Variants in NFAT5 observed in about 807,000 individuals in gnomAD.
The protein encoded by NFAT5 is nuclear factor of activated T cells 5.
In NFAT5, 31 loss-of-function variants were observed where a neutral mutation model predicts 166.5. That is an observed-to-expected ratio of 0.19 (90% CI 0.14 to 0.25). The LOEUF is 0.25. Ranked by LOEUF, NFAT5 falls within the 10% of genes least tolerant of loss-of-function variation. The probability of loss-of-function intolerance (pLI) is 1.00; values close to 1 mark genes in which losing one functional copy is unlikely to be tolerated. For missense variants in NFAT5, 1,449 were observed against 1,821.8 expected (o/e 0.80, Z 3.72); for synonymous variants, 612 against 639.7 (o/e 0.96, Z 0.65).
chr16:69,620,870 C>G (rs1243914022), intron 2 of NFAT5, among the ~76,000 whole-genome samples: 1 of 152,148 alleles, frequency 6.6e-6, no homozygotes, highest in African/African-American at 2.4e-5. Flanking sequence ...CCCTTTTAAG[C>G]CTATGTCATT....
intron 3 of NFAT5, among the ~76,000 whole-genome samples, chr16:69,631,199 G>A (rs1181862511): frequency 1.3e-5 from 2 of 152,124 alleles, no homozygotes; most frequent in Admixed American, 6.5e-5. Context: ...TTGGGAGGCC[G>A]AGGTGGGTGG....
At chr16:69,606,450 C>A (rs914642928) in intron 2 of NFAT5, among the ~76,000 whole-genome samples, 1 of 151,566 alleles carries the variant, frequency 6.6e-6, no homozygotes, top group Admixed American at 6.6e-5. Context: ...TATGTAAAAT[C>A]TGATTTTTAA....
In NFAT5 at chr16:69,693,567, A is replaced by G; in HGVS notation, c.3742A>G (p.Thr1248Ala). The change falls in exon 13 of 15, where the codon ACC becomes GCC. Residue 1248 changes from threonine to alanine, a missense_variant. Thr to Ala is a moderately conservative substitution (Grantham distance 58). This residue lies in a region of NFAT5 where 891 missense variants were observed against 993.0 expected (regional missense o/e 0.90). Coordinates refer to ENST00000349945, the MANE Select transcript of NFAT5 (RefSeq NM_138713.4). ...PNPMPQSQQG[T>A]MFQSQHSIVA... The stretch of plus-strand genomic sequence containing the variant: ...TCCAATGCCTCAAAGCCAACAAGGA[A>G]CCATGTTCCAGTCACAGCACTCAAT... 6.2e-7 allele frequency: 1 copy of G among 1,614,174 alleles called. No individual in the cohort carries two copies. The highest frequency in any genetic ancestry group is 8.5e-7 in the Non-Finnish European group (1 of 1,180,032).
rs777027780 is a variant in NFAT5, at chr16:69,568,453, C to T, written c.74-42C>T. On this transcript the variant is annotated intron_variant, in intron 1 of 14. Transcript: ENST00000349945. ...ATGCTATCCTTGGCATTTTTTTCCT[C>T]ATTCAGCATAAAAAGTACCTAATGC... The T allele has an allele frequency of 9.4e-5, 148 of 1,572,232 alleles. No homozygotes were observed. In the East Asian group the frequency reaches 2.7e-3, roughly 29 times the overall value.
intron 4 of NFAT5, among the ~76,000 whole-genome samples, chr16:69,652,453 G>GAAAAAAAAAAA (rs74216983): frequency 1.6e-5 from 1 of 60,638 alleles, no homozygotes. Context: ...CTCCATCTCA[G>GAAAAAAAAAAA]AAAAAAAAAA....
intron 2 of NFAT5, among the ~76,000 whole-genome samples, chr16:69,609,819 G>GAAAAAAAAA (rs1157655325): frequency 4.0e-5 from 3 of 75,306 alleles, no homozygotes; most frequent in African/African-American, 8.8e-5. Context: ...TGTCTCTACT[G>GAAAAAAAAA]AAAAAAAAAA....
At position 69,694,123 on chromosome 16, in the gene NFAT5, C is replaced by G. The variant is rs1404150594; in HGVS notation, c.4298C>G (p.Pro1433Arg). 1.9e-6 allele frequency: 3 copies of G among 1,614,110 alleles called. No homozygotes were observed. The highest frequency in any genetic ancestry group is 3.3e-5 in the Admixed American group (2 of 60,014). The part of the protein sequence containing the change: ...MPGIQGATSS[P>R]QPQATLFHNT... The stretch of plus-strand genomic sequence containing the variant: ...GGAATTCAAGGAGCCACATCTTCGC[C>G]TCAACCACAGGCTACTTTATTTCAC... The change falls in exon 13 of 15, where the codon CCT becomes CGT. Residue 1433 changes from proline to arginine, a missense_variant. By Grantham distance (103) the Pro-to-Arg change is moderately radical. Around this residue, in one of 7 missense-constraint regions of NFAT5, gnomAD observed 891 missense variants for 993.0 expected, o/e 0.90. Coordinates refer to ENST00000349945, the MANE Select transcript of NFAT5 (RefSeq NM_138713.4).
chr16:69,601,689 C>T (rs1461319592), intron 2 of NFAT5, among the ~76,000 whole-genome samples: 4 of 152,150 alleles, frequency 2.6e-5, no homozygotes, highest in Admixed American at 6.5e-5. Context: ...GTTTAAATAA[C>T]AAAATTTAGT....
intron 3 of NFAT5, among the ~76,000 whole-genome samples, chr16:69,633,500 A>AT (rs2034809669): frequency 6.6e-6 from 1 of 152,232 alleles, no homozygotes; most frequent in South Asian, 2.1e-4. Context: ...GAATTCAGCC[A>AT]TAAAAAAGAA....
At chr16:69,673,922 T>C (rs545716548) in intron 9 of NFAT5, among the ~76,000 whole-genome samples, 2 of 152,068 alleles carry the variant, frequency 1.3e-5, no homozygotes, top group Non-Finnish European at 2.9e-5. Context: ...CCAAAATCAA[T>C]TCATCAGGTA....
At position 69,698,777 on chromosome 16, in the gene NFAT5, T is replaced by C. The variant is rs895843477; in HGVS notation, c.*2426T>C. The C allele has an allele frequency of 2.6e-5, 4 of 152,676 alleles. No homozygotes were observed. The highest frequency in any genetic ancestry group is 5.9e-5 in the Non-Finnish European group (4 of 68,042). 9.5% of individuals were successfully genotyped at this position (152,676 alleles called of 1,614,324 possible). A position where few individuals can be genotyped will look rare whatever the true frequency, so the allele number is the denominator to read the frequency against. ...TTATTGTTGTTATTGTTATTATTAATTGGCTTTCTGTATTCTATGCCTTTT... is the reference window on the plus strand; with the variant it reads ...TTATTGTTGTTATTGTTATTATTAACTGGCTTTCTGTATTCTATGCCTTTT... On this transcript the variant is annotated 3_prime_UTR_variant, in exon 15 of 15. Coordinates refer to ENST00000349945, the MANE Select transcript of NFAT5 (RefSeq NM_138713.4).
chr16:69,689,599 A>C (rs573934168), intron 11 of NFAT5, among the ~76,000 whole-genome samples: 1 of 152,244 alleles, frequency 6.6e-6, no homozygotes. Flanking sequence ...CCTGCAGTAC[A>C]GTAGAGCGAT....
At chr16:69,627,321 AACATATATATATAT>A (rs2034505732) in intron 3 of NFAT5, among the ~76,000 whole-genome samples, 25 of 94,180 alleles carry the variant, frequency 2.7e-4, no homozygotes, top group Admixed American at 2.5e-3. Flanking sequence ...AAAAAAAGGA[AACATATATATATAT>A]ATATATATAT....
intron 2 of NFAT5, among the ~76,000 whole-genome samples, chr16:69,577,782 A>G (rs1434925905): frequency 1.3e-5 from 2 of 152,190 alleles, no homozygotes; most frequent in South Asian, 2.1e-4. Flanking sequence ...CTATACTTCT[A>G]TAAAGGACAC....
At chr16:69,599,206 T>C (rs2032988076) in intron 2 of NFAT5, among the ~76,000 whole-genome samples, 6 of 107,964 alleles carry the variant, frequency 5.6e-5, no homozygotes, top group Admixed American at 5.3e-4. Context: ...TACATAACTT[T>C]GGGCCTATAC....
chr16:69,695,619 G>A (rs966998510), intron 14 of NFAT5: 7 of 361,008 alleles, frequency 1.9e-5, no homozygotes, highest in Admixed American at 4.2e-5. Context: ...CAAGGTGGGC[G>A]GATCACGAGG....
intron 2 of NFAT5, among the ~76,000 whole-genome samples, chr16:69,620,061 A>G (rs1420667911): frequency 6.6e-6 from 1 of 152,252 alleles, no homozygotes; most frequent in Non-Finnish European, 1.5e-5. Context: ...CCAACCAGTC[A>G]GTGCATTTTT....
At chr16:69,652,377 A>G (rs1476950988) in intron 4 of NFAT5, among the ~76,000 whole-genome samples, 2 of 151,742 alleles carry the variant, frequency 1.3e-5, no homozygotes, top group Non-Finnish European at 2.9e-5. Context: ...ACTTGAACCC[A>G]GGAAACAGAG....
intron 2 of NFAT5, among the ~76,000 whole-genome samples, chr16:69,569,767 A>G (rs906051013): frequency 1.3e-5 from 2 of 152,236 alleles, no homozygotes; most frequent in African/African-American, 2.4e-5. Context: ...AATTTAGAGC[A>G]TATAAAATGT....
Sources: gnomAD v4.1 joint callset for allele counts (sites outside exome capture counted in the v4.1 genomes callset) on GRCh38, gnomAD v4.1.1 for gene constraint, gnomAD v4.1.1 regional missense constraint, MANE v1.5 for transcripts, NCBI Gene and HGNC (gene_info 2026-07-23, HGNC 2026-07-21) for gene names.